Variants in TRIO observed in about 807,000 individuals in gnomAD.
The protein encoded by TRIO is triple functional domain protein.
In TRIO, 58 loss-of-function variants were observed where a neutral mutation model predicts 351.9. The observed-to-expected ratio is 0.16, with a 90% confidence interval of 0.13 to 0.21. The LOEUF (loss-of-function observed/expected upper bound fraction) is 0.21. Among genes scored for constraint, TRIO ranks in the 10% least tolerant of loss-of-function variants. The pLI is 1.00. For missense variants in TRIO, 3,201 were observed against 4,027.8 expected, an observed-to-expected ratio of 0.79 and a Z score of 5.56; for synonymous variants, 1,758 against 1,595.7, an observed-to-expected ratio of 1.10 and a Z score of -2.42.
At chr5:14,457,966 G>T (rs16903523) in intron 34 of TRIO, among the ~76,000 whole-genome samples, 7,775 of 151,966 alleles carry the variant, frequency 0.051, 632 homozygotes, top group African/African-American at 0.18. Context: ...TACTAGTTGT[G>T]ATGTGTAAGT....
chr5:14,361,159 A>G (rs983636303), intron 13 of TRIO, among the ~76,000 whole-genome samples: 2 of 151,936 alleles, frequency 1.3e-5, no homozygotes, highest in Non-Finnish European at 2.9e-5. Flanking sequence ...TTTTTCTTCC[A>G]GGACATTTTG....
Position 14,492,686 on chromosome 5 carries a change from C to G in TRIO, c.7752C>G (p.Asn2584Lys). 1.2e-6 allele frequency: 2 copies of G among 1,614,120 alleles called. No homozygotes were observed. Among genetic ancestry groups the G allele is most frequent in the South Asian group, 2.2e-5 (2 of 91,076 alleles). ...AGGTCGTTCAAATTCTGGCCAGCAACCAGCAGAACATGTTTCTGGTGTTCC... is the reference window on the plus strand; with the variant it reads ...AGGTCGTTCAAATTCTGGCCAGCAAGCAGCAGAACATGTTTCTGGTGTTCC... ...QGEVVQILASNQQNMFLVFRA... is the reference protein window; with the variant it reads ...QGEVVQILASKQQNMFLVFRA... The change falls in exon 49 of 57, where the codon AAC (asparagine) becomes AAG (lysine). Residue 2584 changes from asparagine (N) to lysine (K), a missense_variant. Physicochemically the swap from Asn to Lys is moderately conservative, Grantham distance 94. Around this residue, in one of 19 missense-constraint regions of TRIO, gnomAD observed 1,089 missense variants for 954.9 expected, o/e 1.14. Coordinates refer to ENST00000344204, the MANE Select transcript of TRIO (RefSeq NM_007118.4).
chr5:14,391,523 A>T (rs1423543890), intron 27 of TRIO, among the ~76,000 whole-genome samples: 3 of 152,368 alleles, frequency 2.0e-5, no homozygotes, highest in East Asian at 3.9e-4. Context: ...TCATTGGAGT[A>T]AACGTAGATA....
At chr5:14,262,313 T>C (rs891480992) in intron 1 of TRIO, among the ~76,000 whole-genome samples, 1 of 148,844 alleles carries the variant, frequency 6.7e-6, no homozygotes, top group Non-Finnish European at 1.5e-5. Context: ...AAGAGGTGTG[T>C]GTTGGGGGCG....
At chr5:14,160,692 C>T (rs1477619117) in intron 1 of TRIO, among the ~76,000 whole-genome samples, 2 of 152,208 alleles carry the variant, frequency 1.3e-5, no homozygotes, top group Admixed American at 6.5e-5. Flanking sequence ...TTGAGATGCT[C>T]TTAAAAAGAC....
chr5:14,208,025 A>C (rs1367521759), intron 1 of TRIO, among the ~76,000 whole-genome samples: 10 of 152,228 alleles, frequency 6.6e-5, no homozygotes, highest in Non-Finnish European at 1.3e-4. Flanking sequence ...AGTGTTGATG[A>C]GGGTGTGGAG....
chr5:14,149,009 G>T (rs1226223276), intron 1 of TRIO, among the ~76,000 whole-genome samples: 1 of 152,234 alleles, frequency 6.6e-6, no homozygotes, highest in African/African-American at 2.4e-5. Flanking sequence ...AGACTTCCCA[G>T]TGACCCTTGC....
chr5:14,400,886 C>A, intron 30 of TRIO, 77 bp from the exon 31 acceptor site: 2 of 1,391,860 alleles, frequency 1.4e-6, no homozygotes, highest in Non-Finnish European at 2.0e-6. Context: ...GTAACCAAAA[C>A]CTGTTTCCTT....
intron 7 of TRIO, among the ~76,000 whole-genome samples, chr5:14,302,485 A>G (rs753610697): frequency 2.6e-5 from 4 of 152,258 alleles, no homozygotes; most frequent in Non-Finnish European, 5.9e-5. Flanking sequence ...ACAGAGCTCA[A>G]AAATACTGAC....
rs1017611297 is a variant in TRIO, at chr5:14,288,732, C to T, written c.540+1669C>T. Among the ~76,000 whole-genome samples the T allele has an allele frequency of 3.9e-5, 6 of 151,900 alleles. 1 individual carries two copies. The highest frequency in any genetic ancestry group is 1.3e-4 in the Admixed American group (2 of 15,258). On this transcript the variant is annotated intron_variant, in intron 4 of 56. Transcript: ENST00000344204. Reference sequence around the variant, plus strand: ...TATGGTAGGATTGTAGGCATAAGTGCTGGATCAGGAGTCATCCCTCTTCTA... The same window carrying T: ...TATGGTAGGATTGTAGGCATAAGTGTTGGATCAGGAGTCATCCCTCTTCTA...
chr5:14,313,497 T>G (rs1739105989), intron 8 of TRIO, among the ~76,000 whole-genome samples: 1 of 152,212 alleles, frequency 6.6e-6, no homozygotes, highest in Non-Finnish European at 1.5e-5. Context: ...TTTTGGAAAC[T>G]TGCTGAGGGC....
chr5:14,481,648 T>G, intron 45 of TRIO, 30 bp downstream of exon 45: 2 of 1,607,236 alleles, frequency 1.2e-6, no homozygotes, highest in Non-Finnish European at 1.7e-6. Flanking sequence ...TTAAGAGAGC[T>G]CCTCTGCCTT....
intron 28 of TRIO, among the ~76,000 whole-genome samples, chr5:14,396,107 G>A (rs1355555541): frequency 6.7e-6 from 1 of 149,254 alleles, no homozygotes; most frequent in African/African-American, 2.5e-5. Context: ...TACTGTTCCT[G>A]TTATCATTCA....
chr5:14,210,212 A>G (rs2152191256), intron 1 of TRIO, among the ~76,000 whole-genome samples: 1 of 152,244 alleles, frequency 6.6e-6, no homozygotes, highest in African/African-American at 2.4e-5. Flanking sequence ...AGAAGGTTGG[A>G]AGTGTGAAAT....
At chr5:14,448,811 T>G (rs1211557754) in intron 34 of TRIO, among the ~76,000 whole-genome samples, 2 of 152,226 alleles carry the variant, frequency 1.3e-5, no homozygotes, top group African/African-American at 4.8e-5. Flanking sequence ...TGTTCTTGTG[T>G]AAAAGTCAGG....
intron 1 of TRIO, among the ~76,000 whole-genome samples, chr5:14,220,300 C>T (rs1329680555): frequency 6.6e-6 from 1 of 152,142 alleles, no homozygotes; most frequent in Non-Finnish European, 1.5e-5. Context: ...CAAACTTAAT[C>T]AGTAAGTGTG....
chr5:14,467,982 C>A (rs1754392144), intron 37 of TRIO, among the ~76,000 whole-genome samples: 1 of 152,150 alleles, frequency 6.6e-6, no homozygotes, highest in South Asian at 2.1e-4. Context: ...GCCATTTATA[C>A]ACGTCAGTTA....
intron 38 of TRIO, among the ~76,000 whole-genome samples, chr5:14,471,932 G>A (rs886643332): frequency 6.6e-6 from 1 of 151,380 alleles, no homozygotes; most frequent in African/African-American, 2.4e-5. Context: ...AAAAAAAAAC[G>A]TAAGCTACGA....
chr5:14,403,740 TGGTGAGGGTGCAGGTG>T (rs1748422646), intron 31 of TRIO, among the ~76,000 whole-genome samples: 1 of 133,126 alleles, frequency 7.5e-6, no homozygotes, highest in African/African-American at 2.9e-5. Context: ...GTGCAGGTGG[TGGTGAGGGTGCAGGTG>T]GTGGTGGTGA....
Sources: gnomAD v4.1 joint callset for allele counts (sites outside exome capture counted in the v4.1 genomes callset) on GRCh38, gnomAD v4.1.1 for gene constraint, gnomAD v4.1.1 regional missense constraint, MANE v1.5 for transcripts, NCBI Gene and HGNC (gene_info 2026-07-23, HGNC 2026-07-21) for gene names.